Variants in SDCCAG8 observed in about 807,000 individuals in gnomAD.
SDCCAG8 encodes the protein serologically defined colon cancer antigen 8.
A neutral mutation model predicts 101.8 loss-of-function variants in SDCCAG8; 74 were observed. That is an observed-to-expected ratio of 0.73 (90% CI 0.60 to 0.88). The LOEUF (loss-of-function observed/expected upper bound fraction) is 0.88. Among genes scored for constraint, SDCCAG8 ranks in the 40% least tolerant of loss-of-function variants. The pLI, the probability that SDCCAG8 is intolerant of heterozygous loss-of-function variation, is 0.00. For synonymous variants in SDCCAG8, 281 were observed against 292.9 expected (o/e 0.96, Z 0.41); for missense variants, 787 against 822.6 (o/e 0.96, Z 0.53).
intron 16 of SDCCAG8, among the ~76,000 whole-genome samples, chr1:243,461,895 G>T (rs1462848130): frequency 1.3e-5 from 2 of 152,100 alleles, no homozygotes; most frequent in African/African-American, 4.8e-5. Flanking sequence ...ATGTGCAAAG[G>T]TCTTTTCCGA....
chr1:243,286,497 G>A, intron 5 of SDCCAG8, 100 bp downstream of exon 5: 2 of 1,246,012 alleles, frequency 1.6e-6, no homozygotes, highest in Non-Finnish European at 1.2e-6. Flanking sequence ...TCCCTGAAGT[G>A]TGGCCAAAGT....
Position 243,274,529 on chromosome 1 carries a change from A to G in SDCCAG8, c.307-14A>G, listed in dbSNP as rs761439373. The stretch of plus-strand genomic sequence containing the variant: ...TATGTATTTATGTATTTATTTATTT[A>G]TTTTTTGTCATAGAGGTCATTAGAA... On this transcript the variant is annotated splice_polypyrimidine_tract_variant and intron_variant, in intron 3 of 17. Coordinates refer to ENST00000366541, the MANE Select transcript of SDCCAG8 (RefSeq NM_006642.5). The G allele has an allele frequency of 7.3e-7, 1 of 1,379,114 alleles. No individual in the cohort carries two copies. The highest frequency in any genetic ancestry group is 1.0e-6 in the Non-Finnish European group (1 of 971,494). The allele number at this position is 1,379,114 out of a possible 1,614,324, so 85.4% of individuals were successfully genotyped here.
At chr1:243,317,985 G>T in intron 9 of SDCCAG8, 1 of 454,954 alleles carries the variant, frequency 2.2e-6, no homozygotes, top group South Asian at 1.6e-5. Context: ...ATGCCCAGAG[G>T]AATATAAATC....
At chr1:243,359,776 C>A (rs570855708) in intron 12 of SDCCAG8, among the ~76,000 whole-genome samples, 2 of 152,294 alleles carry the variant, frequency 1.3e-5, no homozygotes, top group African/African-American at 4.8e-5. Flanking sequence ...TAAGAACAAA[C>A]CTTGAATACT....
At chr1:243,408,146 T>C (rs2079914763) in intron 13 of SDCCAG8, among the ~76,000 whole-genome samples, 2 of 152,228 alleles carry the variant, frequency 1.3e-5, no homozygotes, top group African/African-American at 4.8e-5. Flanking sequence ...CTTACACCTG[T>C]GAGGATACTT....
At position 243,306,852 on chromosome 1, in the gene SDCCAG8, G is replaced by A. The variant is rs115980238; in HGVS notation, c.741-1137G>A. Among the ~76,000 whole-genome samples the A allele has an allele frequency of 3.5e-3, 528 of 151,844 alleles. 6 individuals carry two copies. Among genetic ancestry groups the A allele is most frequent in the African/African-American group, 0.012 (481 of 41,416 alleles). On this transcript the variant is annotated intron_variant, in intron 7 of 17. Transcript: ENST00000366541. ...CTTAGATTGCCTGTGGGTCTTTTATGCCTCTCCTGCGTTGCTTGAAAGCCC... is the reference window on the plus strand; with the variant it reads ...CTTAGATTGCCTGTGGGTCTTTTATACCTCTCCTGCGTTGCTTGAAAGCCC...
chr1:243,325,351 A>G (rs1300591554), intron 9 of SDCCAG8, among the ~76,000 whole-genome samples: 1 of 152,200 alleles, frequency 6.6e-6, no homozygotes. Context: ...AGTACTTTTT[A>G]TCTAGAAGGT....
chr1:243,473,913 A>T (rs1474811467), intron 16 of SDCCAG8, among the ~76,000 whole-genome samples: 2 of 10,432 alleles, frequency 1.9e-4, no homozygotes, highest in Non-Finnish European at 3.1e-4. Context: ...ATTGGAGGAG[A>T]GTTGCCGGCG....
At chr1:243,275,856 G>GTTTTTTTTTTTTTTTTTTTTTTTTTTTT (rs11344816) in intron 4 of SDCCAG8, among the ~76,000 whole-genome samples, 1 of 59,110 alleles carries the variant, frequency 1.7e-5, no homozygotes, top group Non-Finnish European at 3.0e-5. Context: ...TTGAACCAAT[G>GTTTTTTTTTTTTTTTTTTTTTTTTTTTT]TTTTTTTTTT....
At chr1:243,449,477 A>C (rs1015743603) in intron 16 of SDCCAG8, among the ~76,000 whole-genome samples, 1 of 152,230 alleles carries the variant, frequency 6.6e-6, no homozygotes, top group South Asian at 2.1e-4. Flanking sequence ...AGGAGATAGC[A>C]TAGACTTGAG....
intron 8 of SDCCAG8, among the ~76,000 whole-genome samples, chr1:243,314,686 T>A (rs1644504090): frequency 6.6e-6 from 1 of 151,950 alleles, no homozygotes; most frequent in South Asian, 2.1e-4. Context: ...TCTGTCTGTT[T>A]GCATACTTAT....
chr1:243,330,820 AATT>A (rs1172956766), intron 10 of SDCCAG8, 128 bp downstream of exon 10: 1 of 809,936 alleles, frequency 1.2e-6, no homozygotes, highest in East Asian at 2.7e-5. Context: ...TAAGTAGTTA[AATT>A]TCGTATAATT....
chr1:243,369,048 T>TA (rs926485402), intron 12 of SDCCAG8, among the ~76,000 whole-genome samples: 4 of 152,086 alleles, frequency 2.6e-5, no homozygotes, highest in Non-Finnish European at 2.9e-5. Flanking sequence ...CAAATTACTT[T>TA]AAAAAAATCT....
At chr1:243,332,333 G>A (rs995813889) in intron 10 of SDCCAG8, among the ~76,000 whole-genome samples, 1 of 152,226 alleles carries the variant, frequency 6.6e-6, no homozygotes, top group African/African-American at 2.4e-5. Context: ...GTGTCACGAT[G>A]CCATTTATAT....
chr1:243,319,099 G>A (rs2073525043), intron 9 of SDCCAG8, among the ~76,000 whole-genome samples: 1 of 152,132 alleles, frequency 6.6e-6, no homozygotes, highest in Non-Finnish European at 1.5e-5. Context: ...GAGCGAGGAG[G>A]AGAGGGGCCA....
chr1:243,291,195 T>G (rs1279990165), intron 5 of SDCCAG8, among the ~76,000 whole-genome samples: 1 of 152,204 alleles, frequency 6.6e-6, no homozygotes, highest in Non-Finnish European at 1.5e-5. Flanking sequence ...CAATAATTAT[T>G]TGTTGAATTA....
At chr1:243,334,243 T>C (rs2074837129) in intron 10 of SDCCAG8, among the ~76,000 whole-genome samples, 1 of 152,124 alleles carries the variant, frequency 6.6e-6, no homozygotes, top group Non-Finnish European at 1.5e-5. Context: ...CTCACCTCCT[T>C]CCTATCTGTT....
chr1:243,479,776 T>C (rs933952766), intron 16 of SDCCAG8, among the ~76,000 whole-genome samples: 4 of 152,122 alleles, frequency 2.6e-5, no homozygotes, highest in Non-Finnish European at 4.4e-5. Context: ...TTGGTTGTTT[T>C]GATGATGAAA....
chr1:243,451,753 G>A lies in SDCCAG8; in HGVS notation c.1985+25195G>A, dbSNP rs147093772. The stretch of plus-strand genomic sequence containing the variant: ...AGCCTAGACAACATAGAGAAACCCC[G>A]TCTCTACAAAAAAAGAAATACAAAA... On this transcript the variant is annotated intron_variant, in intron 16 of 17. Transcript: ENST00000366541. 5.6e-3 allele frequency among the ~76,000 whole-genome samples: 849 copies of A among 152,048 alleles called. 9 individuals carry two copies. Among genetic ancestry groups the A allele is most frequent in the African/African-American group, 0.02 (825 of 41,494 alleles).
Sources: gnomAD v4.1 joint callset for allele counts (sites outside exome capture counted in the v4.1 genomes callset) on GRCh38, gnomAD v4.1.1 for gene constraint, MANE v1.5 for transcripts, NCBI Gene and HGNC (gene_info 2026-07-23, HGNC 2026-07-21) for gene names.